The following STC2 variants were observed in gnomAD, a reference collection of about 807,000 sequenced individuals.
STC2 encodes the protein stanniocalcin-2.
In STC2, 7 loss-of-function variants were observed where a neutral mutation model predicts 22.7. That is an observed-to-expected ratio of 0.31 (90% CI 0.18 to 0.58). STC2 has a LOEUF of 0.58. Ranked by LOEUF, STC2 falls within the 20% of genes least tolerant of loss-of-function variation. STC2 has a pLI of 0.89. For synonymous variants in STC2, 158 were observed against 163.4 expected (o/e 0.97, Z 0.25); for missense variants, 336 against 406.2 (o/e 0.83, Z 1.48).
Position 173,317,716 on chromosome 5 carries a change from C to T in STC2, c.*131G>A, listed in dbSNP as rs1762438322. ...CTGTCCGTTCCGCGAACACACACCTCGATGAAGTCCACAGTCCCCACAGAA... is the reference window on the plus strand; with the variant it reads ...CTGTCCGTTCCGCGAACACACACCTTGATGAAGTCCACAGTCCCCACAGAA... On this transcript the variant is annotated 3_prime_UTR_variant, in exon 4 of 4. Coordinates refer to ENST00000265087, the MANE Select transcript of STC2 (RefSeq NM_003714.3). 6.2e-6 allele frequency: 8 copies of T among 1,281,156 alleles called. No individual in the cohort carries two copies. The highest frequency in any genetic ancestry group is 1.5e-5 in the African/African-American group (1 of 67,684). 79.4% of individuals were successfully genotyped at this position (1,281,156 alleles called of 1,614,324 possible).
intron 3 of STC2, among the ~76,000 whole-genome samples, chr5:173,318,991 G>C (rs3756531): frequency 0.11 from 16,560 of 152,170 alleles, 1,912 homozygotes; most frequent in African/African-American, 0.29. Context: ...GTGGCCATCT[G>C]AGCATCTTTA....
At position 173,315,898 on chromosome 5, in the gene STC2, C is replaced by T. The variant is rs1762415013; in HGVS notation, c.*1949G>A. On this transcript the variant is annotated 3_prime_UTR_variant, in exon 4 of 4. Transcript: ENST00000265087. ...CGGGGGCTGGAGGTGGGGTTTCCTCCCTTCCCCCAACCAATGATTCCCCTC... is the reference window on the plus strand; with the variant it reads ...CGGGGGCTGGAGGTGGGGTTTCCTCTCTTCCCCCAACCAATGATTCCCCTC... The T allele has an allele frequency of 6.6e-6, 1 of 152,310 alleles. No individual in the cohort carries two copies. Among genetic ancestry groups the T allele is most frequent in the Admixed American group, 6.5e-5 (1 of 15,286 alleles). 9.4% of individuals were successfully genotyped at this position (152,310 alleles called of 1,614,324 possible).
intron 1 of STC2, 108 bp from the exon 2 acceptor site, chr5:173,326,118 G>GA (rs1762543650): frequency 2.3e-6 from 3 of 1,298,494 alleles, no homozygotes; most frequent in East Asian, 2.4e-5. Context: ...ATTTAAGGAG[G>GA]AAAAAAGACT....
In STC2 at chr5:173,317,562, C is replaced by T. The variant is rs1413575710; in HGVS notation, c.*285G>A. On this transcript the variant is annotated 3_prime_UTR_variant, in exon 4 of 4. Transcript: ENST00000265087. ...CCCCCACAACAGAGCGGCCGACACC[C>T]ACTGACTCCACAGATGGAAAGAAGA... The T allele has an allele frequency of 8.2e-6, 2 of 245,126 alleles. No homozygotes were observed. Among genetic ancestry groups the T allele is most frequent in the Non-Finnish European group, 1.6e-5 (2 of 127,850 alleles). The allele number at this position is 245,126 out of a possible 1,614,324, so 15.2% of individuals were successfully genotyped here.
In STC2 at chr5:173,317,651, C is replaced by G. The variant is rs895087941; in HGVS notation, c.*196G>C. ...ACGTGTAAGTGCAGAATTCACCAGG[C>G]ACCCCTGAGACCCCACGGCCCCAGG... On this transcript the variant is annotated 3_prime_UTR_variant, in exon 4 of 4. Transcript: ENST00000265087. 1 of 567,424 alleles carries G rather than the reference C, an allele frequency of 1.8e-6. No individual in the cohort carries two copies. Among genetic ancestry groups the G allele is most frequent in the Non-Finnish European group, 2.8e-6 (1 of 353,138 alleles). 35.1% of individuals were successfully genotyped at this position (567,424 alleles called of 1,614,324 possible).
At position 173,315,249 on chromosome 5, in the gene STC2, AT is replaced by A. The variant is rs1377573482; in HGVS notation, c.*2597del. 2.0e-5 allele frequency: 3 copies of A among 152,156 alleles called. No individual in the cohort carries two copies. The highest frequency in any genetic ancestry group is 7.2e-5 in the African/African-American group (3 of 41,436). 9.4% of individuals were successfully genotyped at this position (152,156 alleles called of 1,614,324 possible). ...AATGACTACTTTGCTTACATTTTAG[AT>A]TGTGCAAATGTCTCAATCAATGCTT... is the stretch of plus-strand genomic sequence containing the variant. On this transcript the variant is annotated 3_prime_UTR_variant, in exon 4 of 4. Coordinates refer to ENST00000265087, the MANE Select transcript of STC2 (RefSeq NM_003714.3).
Position 173,317,804 on chromosome 5 carries a change from A to G in STC2, c.*43T>C. ...TTTTGGAATGTCCATAGATAAGAAA[A>G]TGGACGGCGTGGAGGAAAGATTTCG... is the stretch of plus-strand genomic sequence containing the variant. On this transcript the variant is annotated 3_prime_UTR_variant, in exon 4 of 4. Coordinates refer to ENST00000265087, the MANE Select transcript of STC2 (RefSeq NM_003714.3). The G allele has an allele frequency of 6.6e-7, 1 of 1,516,172 alleles. No individual in the cohort carries two copies. Among genetic ancestry groups the G allele is most frequent in the Non-Finnish European group, 8.8e-7 (1 of 1,130,000 alleles). The allele number at this position is 1,516,172 out of a possible 1,614,324, so 93.9% of individuals were successfully genotyped here. A position where few individuals can be genotyped will look rare whatever the true frequency, so the allele number is the denominator to read the frequency against.
Position 173,317,701 on chromosome 5 carries a change from C to T in STC2, c.*146G>A, listed in dbSNP as rs1762438151. The stretch of plus-strand genomic sequence containing the variant: ...GGGTCTCCATCTCACCTGTCCGTTC[C>T]GCGAACACACACCTCGATGAAGTCC... On this transcript the variant is annotated 3_prime_UTR_variant, in exon 4 of 4. Coordinates refer to ENST00000265087, the MANE Select transcript of STC2 (RefSeq NM_003714.3). The T allele has an allele frequency of 9.5e-6, 11 of 1,162,604 alleles. No homozygotes were observed. Among genetic ancestry groups the T allele is most frequent in the South Asian group, 4.0e-5 (2 of 49,930 alleles). 72.0% of individuals were successfully genotyped at this position (1,162,604 alleles called of 1,614,324 possible).
At chr5:173,326,150 C>G in intron 1 of STC2, 140 bp from the exon 2 acceptor site, 1 of 907,984 alleles carries the variant, frequency 1.1e-6, no homozygotes, top group South Asian at 2.5e-5. Flanking sequence ...ATTTCAGGAC[C>G]TAAAAAGCCT....
Position 173,320,216 on chromosome 5 carries a change from G to C in STC2, c.507-1967C>G, listed in dbSNP as rs1302516989. On this transcript the variant is annotated intron_variant, in intron 3 of 3. Coordinates refer to ENST00000265087, the MANE Select transcript of STC2 (RefSeq NM_003714.3). ...CAGAGTAAGGGGAGGGCTGTCTTGG[G>C]AATATGCAGACTGTCTTTCGCCTTC... Among the ~76,000 whole-genome samples the C allele has an allele frequency of 2.2e-5, 3 of 136,228 alleles. No homozygotes were observed. The East Asian group carries it at 6.7e-4, about 30-fold the overall frequency. 89.4% of individuals were successfully genotyped at this position (136,228 alleles called of 152,430 possible).
chr5:173,322,560 G>A (rs1448601172), intron 3 of STC2, among the ~76,000 whole-genome samples: 1 of 152,222 alleles, frequency 6.6e-6, no homozygotes, highest in African/African-American at 2.4e-5. Flanking sequence ...ATGTATGAGA[G>A]AAGGTAAACC....
chr5:173,318,097 G>A lies in STC2; in HGVS notation c.659C>T (p.Thr220Met), dbSNP rs894940812. The change falls in exon 4 of 4, where the codon ACG becomes ATG. Residue 220 changes from threonine to methionine, a missense_variant. Physicochemically the swap from Thr to Met is moderately conservative, Grantham distance 81. Transcript: ENST00000265087. ...FCTSAIQKPP[T>M]APPERQPQVD... ...CTGGGGCTGGCGCTCGGGGGGCGCC[G>A]TGGGAGGCTTCTGGATGGCCGAGGT... 4.4e-6 allele frequency: 7 copies of A among 1,607,982 alleles called. No individual in the cohort carries two copies. Among genetic ancestry groups the A allele is most frequent in the African/African-American group, 2.7e-5 (2 of 74,448 alleles).
At chr5:173,320,838 T>G (rs1762476309) in intron 3 of STC2, among the ~76,000 whole-genome samples, 1 of 150,768 alleles carries the variant, frequency 6.6e-6, no homozygotes, top group African/African-American at 2.4e-5. Flanking sequence ...ATGCCACACA[T>G]TTGGAAATGG....
intron 3 of STC2, among the ~76,000 whole-genome samples, chr5:173,320,696 G>A (rs1305424725): frequency 6.6e-6 from 1 of 151,092 alleles, no homozygotes; most frequent in Non-Finnish European, 1.5e-5. Context: ...CATTAACTGG[G>A]GGTGAGTGTT....
rs572507116 is a variant in STC2, at chr5:173,325,130, G to T, written c.294+738C>A. ...CGTTTCTGAGATATAGTAACAGGGC[G>T]TTTCAACAGGGCATATAAGTGGCCA... On this transcript the variant is annotated intron_variant, in intron 2 of 3. Transcript: ENST00000265087. The surrounding 1 kb of genome is among the most constrained non-coding windows in gnomAD (Gnocchi z 4.7). 4.1e-4 allele frequency among the ~76,000 whole-genome samples: 62 copies of T among 152,346 alleles called. No homozygotes were observed. The highest frequency in any genetic ancestry group is 1.5e-3 in the African/African-American group (61 of 41,568).
intron 1 of STC2, 41 bp from the exon 2 acceptor site, chr5:173,326,051 C>T (rs780812376): frequency 1.2e-6 from 2 of 1,609,650 alleles, no homozygotes; most frequent in Admixed American, 1.7e-5. Context: ...AAAACTCTAA[C>T]CCATGCTGGG....
At position 173,323,274 on chromosome 5, in the gene STC2, C is replaced by T; in HGVS notation, c.451G>A (p.Glu151Lys). 3.7e-6 allele frequency: 6 copies of T among 1,614,186 alleles called. No individual in the cohort carries two copies. The highest frequency in any genetic ancestry group is 1.3e-5 in the African/African-American group (1 of 75,052). Residue 151 changes from glutamate (E) to lysine (K), a missense_variant, in exon 3 of 4, where the codon GAG becomes AAG. By Grantham distance (56) the Glu-to-Lys change is moderately conservative (BLOSUM62 1). Coordinates refer to ENST00000265087, the MANE Select transcript of STC2 (RefSeq NM_003714.3). The surrounding 1 kb of genome is among the most constrained non-coding windows in gnomAD (Gnocchi z 5.4). ...LKHDLCAAAQ[E>K]NTRVIVEMIH... ...ATCTCCACTATCACCCGGGTGTTCT[C>T]CTGGGCAGCCGCGCACAGGTCGTGC...
In STC2 at chr5:173,323,264, C is replaced by T. The variant is rs144381958; in HGVS notation, c.461G>A (p.Arg154Gln). The T allele has an allele frequency of 5.3e-4, 854 of 1,614,204 alleles. 6 individuals carry two copies. The East Asian group carries it at 9.4e-3, about 18-fold the overall frequency. The change falls in exon 3 of 4, where the codon CGG (arginine) becomes CAG (glutamine). Residue 154 changes from arginine to glutamine, a missense_variant. Around this residue, in one of 3 missense-constraint regions of STC2, gnomAD observed 215 missense variants for 231.5 expected, o/e 0.93. Transcript: ENST00000265087. This position sits in a 1 kb window ranked among gnomAD's most constrained non-coding sequence, Gnocchi z 5.4. ...GAAATGGATCATCTCCACTATCACC[C>T]GGGTGTTCTCCTGGGCAGCCGCGCA... ...DLCAAAQENTRVIVEMIHFKD... is the reference protein window; with the variant it reads ...DLCAAAQENTQVIVEMIHFKD...
Position 173,317,704 on chromosome 5 carries a change from G to A in STC2, c.*143C>T, listed in dbSNP as rs983125386. ...TCTCCATCTCACCTGTCCGTTCCGCGAACACACACCTCGATGAAGTCCACA... is the reference window on the plus strand; with the variant it reads ...TCTCCATCTCACCTGTCCGTTCCGCAAACACACACCTCGATGAAGTCCACA... On this transcript the variant is annotated 3_prime_UTR_variant, in exon 4 of 4. Coordinates refer to ENST00000265087, the MANE Select transcript of STC2 (RefSeq NM_003714.3). 3.4e-6 allele frequency: 4 copies of A among 1,191,652 alleles called. No individual in the cohort carries two copies. Among genetic ancestry groups the A allele is most frequent in the East Asian group, 4.9e-5 (2 of 40,694 alleles). 73.8% of individuals were successfully genotyped at this position (1,191,652 alleles called of 1,614,324 possible). A position where few individuals can be genotyped will look rare whatever the true frequency, so the allele number is the denominator to read the frequency against.
Sources: allele counts gnomAD v4.1 joint callset (sites outside exome capture counted in the v4.1 genomes callset), GRCh38; gene constraint gnomAD v4.1.1; regional missense constraint gnomAD v4.1.1; non-coding constraint Gnocchi (gnomAD v3.1); transcripts MANE v1.5; gene names NCBI Gene and HGNC (gene_info 2026-07-23, HGNC 2026-07-21).